TAB2: variants seen among roughly 807,000 people sequenced by gnomAD.
TAB2 encodes TGF-beta activated kinase 1 (MAP3K7) binding protein 2.
A neutral mutation model predicts 65.0 loss-of-function variants in TAB2; 3 were observed. The observed-to-expected ratio is 0.05, with a 90% CI of 0.02 to 0.12. The LOEUF (loss-of-function observed/expected upper bound fraction) is 0.12, where lower values mean the gene tolerates loss of function less well. TAB2 is among the 10% of genes least tolerant of loss of function. TAB2 has a pLI of 1.00. For missense variants in TAB2, 623 were observed against 840.3 expected (o/e 0.74, Z 3.20); for synonymous variants, 298 against 285.1 (o/e 1.05, Z -0.46).
intron 1 of TAB2, among the ~76,000 whole-genome samples, chr6:149,305,673 T>C (rs1296325490): frequency 6.6e-6 from 1 of 152,202 alleles, no homozygotes; most frequent in Non-Finnish European, 1.5e-5. Context: ...AAAGCAGTTA[T>C]TCATAAATCT....
At chr6:149,291,181 G>A (rs1272708612) in intron 1 of TAB2, among the ~76,000 whole-genome samples, 2 of 152,142 alleles carry the variant, frequency 1.3e-5, no homozygotes, top group Non-Finnish European at 2.9e-5. Flanking sequence ...GAATGATTGG[G>A]GAGAACATAA....
chr6:149,324,363 C>A (rs1779539091), intron 1 of TAB2, among the ~76,000 whole-genome samples: 1 of 151,928 alleles, frequency 6.6e-6, no homozygotes, highest in Admixed American at 6.6e-5. Context: ...TTTTTATTCA[C>A]CAGTTTATTA....
intron 3 of TAB2, among the ~76,000 whole-genome samples, chr6:149,387,803 CT>C (rs143666581): frequency 0.12 from 18,556 of 151,984 alleles, 1,731 homozygotes; most frequent in East Asian, 0.51. Flanking sequence ...GATTATGTCT[CT>C]TTTTTTTGTC....
At chr6:149,300,173 T>C (rs1435215645) in intron 1 of TAB2, among the ~76,000 whole-genome samples, 2 of 152,222 alleles carry the variant, frequency 1.3e-5, no homozygotes, top group African/African-American at 4.8e-5. Flanking sequence ...TAGACCCCTG[T>C]AATCCTGGTG....
rs150631771 is a variant in TAB2, at chr6:149,362,917, A to G, written c.-89-6992A>G. ...TGTCCCCTCCCTCCCATTTCTCCCC[A>G]TTTTCCCTAGTGTTAGAATTGCAAG... On this transcript the variant is annotated intron_variant, in intron 1 of 6. Coordinates refer to ENST00000637181, the MANE Select transcript of TAB2 (RefSeq NM_001292034.3). 4.6e-3 allele frequency among the ~76,000 whole-genome samples: 703 copies of G among 152,062 alleles called. 8 individuals carry two copies. Among genetic ancestry groups the G allele is most frequent in the African/African-American group, 0.016 (680 of 41,486 alleles).
intron 1 of TAB2, among the ~76,000 whole-genome samples, chr6:149,225,131 C>A (rs1290254272): frequency 6.6e-6 from 1 of 152,214 alleles, no homozygotes; most frequent in Admixed American, 6.5e-5. Context: ...GATGAAGACA[C>A]TGACTCTGCT....
At chr6:149,340,142 T>C (rs2114776577) in intron 1 of TAB2, among the ~76,000 whole-genome samples, 1 of 152,288 alleles carries the variant, frequency 6.6e-6, no homozygotes, top group Admixed American at 6.5e-5. Flanking sequence ...TCAAGTAGAA[T>C]AAAAAGCTTA....
At chr6:149,389,810 A>T (rs1781924962) in intron 3 of TAB2, among the ~76,000 whole-genome samples, 1 of 152,168 alleles carries the variant, frequency 6.6e-6, no homozygotes, top group Non-Finnish European at 1.5e-5. Flanking sequence ...TAATGCTGTA[A>T]GATTACATGC....
intron 1 of TAB2, among the ~76,000 whole-genome samples, chr6:149,265,208 T>TA (rs1562393249): frequency 1.4e-5 from 2 of 145,334 alleles, no homozygotes; most frequent in African/African-American, 5.1e-5. Context: ...TTTTTTTTTT[T>TA]AAAGCACAGC....
intron 1 of TAB2, among the ~76,000 whole-genome samples, chr6:149,254,014 GAAAGAAAGA>G (rs1386195559): frequency 7.4e-6 from 1 of 135,640 alleles, no homozygotes; most frequent in South Asian, 2.4e-4. Flanking sequence ...AAGAAAGAAA[GAAAGAAAGA>G]AAAGAAAGAA....
At chr6:149,316,684 T>TG (rs1337102420), upstream of TAB2, among the ~76,000 whole-genome samples, 3 of 152,118 alleles carry the variant, frequency 2.0e-5, no homozygotes, top group African/African-American at 7.2e-5. Flanking sequence ...GGTAGAAACT[T>TG]GAAGGCCCCC....
intron 1 of TAB2, among the ~76,000 whole-genome samples, chr6:149,353,077 T>C (rs940648133): frequency 1.3e-5 from 2 of 152,220 alleles, no homozygotes; most frequent in African/African-American, 4.8e-5. Flanking sequence ...GTTCTCTACC[T>C]TGACTTCCCA....
At chr6:149,343,399 G>A (rs1780191634) in intron 1 of TAB2, among the ~76,000 whole-genome samples, 1 of 151,538 alleles carries the variant, frequency 6.6e-6, no homozygotes, top group South Asian at 2.1e-4. Context: ...TGAACTGAGG[G>A]AGTCGGAGGT....
chr6:149,313,185 A>T (rs1016137074), upstream of TAB2, among the ~76,000 whole-genome samples: 3 of 151,874 alleles, frequency 2.0e-5, no homozygotes, highest in African/African-American at 7.3e-5. Context: ...TTTTTTTGAG[A>T]CAGGGTCTCA....
At position 149,323,783 on chromosome 6, in the gene TAB2, G is replaced by A. The variant is rs947968000; in HGVS notation, c.-90+5768G>A. Among the ~76,000 whole-genome samples, 4 of 152,228 alleles carry A rather than the reference G, an allele frequency of 2.6e-5. No homozygotes were observed. The East Asian group carries it at 7.7e-4, about 29-fold the overall frequency. On this transcript the variant is annotated intron_variant, in intron 1 of 6. Transcript: ENST00000637181. Reference sequence around the variant, plus strand: ...GGATTTTTAAAAAGTTCTCCACAAAGCATGTATCGTGTGCTTTATATTCAA... The same window carrying A: ...GGATTTTTAAAAAGTTCTCCACAAAACATGTATCGTGTGCTTTATATTCAA...
intron 1 of TAB2, among the ~76,000 whole-genome samples, chr6:149,369,548 G>T (rs1781151632): frequency 6.6e-6 from 1 of 152,070 alleles, no homozygotes; most frequent in Non-Finnish European, 1.5e-5. Flanking sequence ...CAAACTTTAA[G>T]AATTTAGATT....
chr6:149,261,690 G>A (rs999268077), intron 1 of TAB2, among the ~76,000 whole-genome samples: 3 of 152,212 alleles, frequency 2.0e-5, no homozygotes, highest in Non-Finnish European at 4.4e-5. Context: ...CCCCATGGAT[G>A]TCTGACTGTT....
At chr6:149,328,826 G>C (rs187437378) in intron 1 of TAB2, among the ~76,000 whole-genome samples, 8 of 152,242 alleles carry the variant, frequency 5.3e-5, no homozygotes, top group Non-Finnish European at 1.2e-4. Flanking sequence ...TAAGGATTAG[G>C]CAGTATCTCC....
intron 2 of TAB2, chr6:149,372,453 T>A (rs1781261158): frequency 6.6e-6 from 1 of 152,184 alleles, no homozygotes; most frequent in South Asian, 2.1e-4. Flanking sequence ...TTTTTTATTG[T>A]TTTAATCTGT....
Sources: gnomAD v4.1 joint callset for allele counts (sites outside exome capture counted in the v4.1 genomes callset) on GRCh38, gnomAD v4.1.1 for gene constraint, MANE v1.5 for transcripts, NCBI Gene and HGNC (gene_info 2026-07-23, HGNC 2026-07-21) for gene names.